Variants in MYG1 observed in about 807,000 individuals in gnomAD.
MYG1 encodes the protein MYG1 exonuclease.
In MYG1, 36 loss-of-function variants were observed where a neutral mutation model predicts 43.5. The ratio of observed to expected loss-of-function variants is 0.83; its 90% CI spans 0.63 to 1.09. The LOEUF (loss-of-function observed/expected upper bound fraction) is 1.09. Ranked by LOEUF, MYG1 falls within the 50% of genes least tolerant of loss-of-function variation. MYG1 has a pLI of 0.00. For synonymous variants in MYG1, 220 were observed against 202.8 expected (o/e 1.08, Z -0.72); for missense variants, 529 against 495.1 (o/e 1.07, Z -0.65).
In MYG1 at chr12:53,303,150, G is replaced by C. The variant is rs1944244057; in HGVS notation, c.446G>C (p.Gly149Ala). Reference sequence around the variant, plus strand: ...CACAAGCTGCTGGCCCAGTTGCTGGGCACTAGTGAAGAGGACAGCATGGTG... The same window carrying C: ...CACAAGCTGCTGGCCCAGTTGCTGGCCACTAGTGAAGAGGACAGCATGGTG... ...FGHKLLAQLL[G>A]TSEEDSMVGT... The change falls in exon 3 of 7, where the codon GGC becomes GCC. Residue 149 changes from glycine to alanine, a missense_variant. Physicochemically the swap from Gly to Ala is moderately conservative, Grantham distance 60 (BLOSUM62 0). Coordinates refer to ENST00000267103, the MANE Select transcript of MYG1 (RefSeq NM_021640.4). 6.2e-7 allele frequency: 1 copy of C among 1,614,062 alleles called. No homozygotes were observed. The highest frequency in any genetic ancestry group is 1.7e-5 in the Admixed American group (1 of 59,998).
chr12:53,306,790 T>C lies in MYG1; in HGVS notation c.876T>C (p.Val292=), dbSNP rs768268469. 101 of 1,614,040 alleles carry C rather than the reference T, an allele frequency of 6.3e-5. No individual in the cohort carries two copies. The East Asian group carries it at 2.3e-3, about 36-fold the overall frequency. ...GLSPPVAIFF[V]IYTDQAGQWR... is the part of the protein sequence containing the mutation. ...CCCCTCCAGTGGCCATCTTCTTTGT[T>C]ATCTACACTGACCAGGCTGGACAGT... The change falls in exon 6 of 7, where the codon GTT becomes GTC. Residue 292 remains valine (V), a synonymous_variant. Transcript: ENST00000267103.
chr12:53,306,827 T>C lies in MYG1; in HGVS notation c.913T>C (p.Cys305Arg), dbSNP rs1944288544. ...TDQAGQWRIQCVPKEPHSFQS... is the reference protein window; with the variant it reads ...TDQAGQWRIQRVPKEPHSFQS... The stretch of plus-strand genomic sequence containing the variant: ...CCAGGCTGGACAGTGGCGAATACAG[T>C]GTGTGCCCAAGGAGCCCCACTCATT... The change falls in exon 6 of 7, where the codon TGT (cysteine) becomes CGT (arginine). Residue 305 changes from cysteine (C) to arginine (R), a missense_variant. By Grantham distance (180) the Cys-to-Arg change is radical. Transcript: ENST00000267103. The C allele has an allele frequency of 3.1e-6, 5 of 1,614,040 alleles. No individual in the cohort carries two copies. The highest frequency in any genetic ancestry group is 1.7e-5 in the Admixed American group (1 of 60,014).
At position 53,306,064 on chromosome 12, in the gene MYG1, A is replaced by T. The variant is rs200946706; in HGVS notation, c.642+4A>T. The T allele has an allele frequency of 6.0e-4, 972 of 1,612,082 alleles. No individual in the cohort carries two copies. Among genetic ancestry groups the T allele is most frequent in the Middle Eastern group, 3.1e-3 (19 of 6,040 alleles). ...CCACCCCGACCAAGACACTGAGGTA[A>T]GGTGGCCTGGGAGGAGACCCGGAGA... On this transcript the variant is annotated splice_donor_region_variant and intron_variant, in intron 4 of 6. Coordinates refer to ENST00000267103, the MANE Select transcript of MYG1 (RefSeq NM_021640.4).
At position 53,300,243 on chromosome 12, in the gene MYG1, C is replaced by G; in HGVS notation, c.310C>G (p.Arg104Gly). The part of the protein sequence containing the change: ...VGGEYDPRRH[R>G]YDHHQRSFTE... Reference sequence around the variant, plus strand: ...GGGCGAGTACGACCCTCGGAGACACCGATATGACCATCACCAGAGGTAGGT... The same window carrying G: ...GGGCGAGTACGACCCTCGGAGACACGGATATGACCATCACCAGAGGTAGGT... Residue 104 changes from arginine (R) to glycine (G), a missense_variant, in exon 2 of 7, where the codon CGA (arginine) becomes GGA (glycine). Arg to Gly is a moderately radical substitution (Grantham distance 125). Transcript: ENST00000267103. 1 of 1,585,782 alleles carries G rather than the reference C, an allele frequency of 6.3e-7. No homozygotes were observed. The highest frequency in any genetic ancestry group is 1.1e-5 in the South Asian group (1 of 88,194).
chr12:53,301,834 G>A lies in MYG1; in HGVS notation c.330-1200G>A, dbSNP rs778039129. Reference sequence around the variant, plus strand: ...CTCCCAAGTAGCTGAGACTACAGGCGCCCAGCTAATTTTTGTATTTTTAGG... The same window carrying A: ...CTCCCAAGTAGCTGAGACTACAGGCACCCAGCTAATTTTTGTATTTTTAGG... On this transcript the variant is annotated intron_variant, in intron 2 of 6. Coordinates refer to ENST00000267103, the MANE Select transcript of MYG1 (RefSeq NM_021640.4). 2.4e-4 allele frequency among the ~76,000 whole-genome samples: 36 copies of A among 152,022 alleles called. No individual in the cohort carries two copies. In the Middle Eastern group the frequency reaches 0.01, roughly 43 times the overall value.
intron 3 of MYG1, chr12:53,303,490 C>T (rs1944246347): frequency 1.0e-5 from 3 of 300,894 alleles, no homozygotes; most frequent in Non-Finnish European, 1.9e-5. Context: ...AGCAATTGCT[C>T]AGCACCTTTG....
At chr12:53,305,026 G>T (rs1413537698) in intron 3 of MYG1, among the ~76,000 whole-genome samples, 1 of 151,558 alleles carries the variant, frequency 6.6e-6, no homozygotes, top group African/African-American at 2.4e-5. Flanking sequence ...CCGCCACTAC[G>T]CCCGGCTAAT....
At chr12:53,301,158 C>T (rs1450165374) in intron 2 of MYG1, among the ~76,000 whole-genome samples, 1 of 152,094 alleles carries the variant, frequency 6.6e-6, no homozygotes, top group Non-Finnish European at 1.5e-5. Flanking sequence ...GCCTTGTGAT[C>T]TGCCCCGCCT....
chr12:53,306,550 C>A lies in MYG1; in HGVS notation c.766-130C>A, dbSNP rs1228254348. ...GTAGAGACAGGGTCTTACTTTGTTG[C>A]CTAGGCTAGTCTCAAATTCCTGGGC... On this transcript the variant is annotated intron_variant, in intron 5 of 6. Coordinates refer to ENST00000267103, the MANE Select transcript of MYG1 (RefSeq NM_021640.4). 3 of 1,137,360 alleles carry A rather than the reference C, an allele frequency of 2.6e-6. No individual in the cohort carries two copies. The African/African-American group carries it at 4.7e-5, about 18-fold the overall frequency. 70.5% of individuals were successfully genotyped at this position (1,137,360 alleles called of 1,614,324 possible). A position where few individuals can be genotyped will look rare whatever the true frequency, so the allele number is the denominator to read the frequency against.
At position 53,303,034 on chromosome 12, in the gene MYG1, G is replaced by A; in HGVS notation, c.330G>A (p.Arg110=). The A allele has an allele frequency of 6.2e-7, 1 of 1,609,050 alleles. No homozygotes were observed. Among genetic ancestry groups the A allele is most frequent in the Non-Finnish European group, 8.5e-7 (1 of 1,176,684 alleles). The part of the protein sequence containing the change: ...PRRHRYDHHQ[R]SFTETMSSLS... ...AGCCCCACCTCCCTATGCTCCTCAG[G>A]TCTTTCACAGAGACCATGAGCTCCC... Residue 110 remains arginine, a splice_region_variant and synonymous_variant, in exon 3 of 7, where the codon AGG becomes AGA. Coordinates refer to ENST00000267103, the MANE Select transcript of MYG1 (RefSeq NM_021640.4).
chr12:53,303,348 A>C, intron 3 of MYG1, 155 bp downstream of exon 3: 100 of 782,318 alleles, frequency 1.3e-4, no homozygotes, highest in Non-Finnish European at 1.8e-4. Context: ...GGCTCATCTC[A>C]CAAGGGAATG....
chr12:53,300,636 C>A (rs111635869), intron 2 of MYG1, among the ~76,000 whole-genome samples: 1,847 of 152,342 alleles, frequency 0.012, 26 homozygotes, highest in South Asian at 0.05. Context: ...GGTGACAGTT[C>A]AGATGTGTGA....
At chr12:53,300,004 G>C in intron 1 of MYG1, 51 bp downstream of exon 1, 1 of 1,601,930 alleles carries the variant, frequency 6.2e-7, no homozygotes, top group Middle Eastern at 1.7e-4. Context: ...ATGCCTCCGG[G>C]GTGGATGGCA....
intron 4 of MYG1, 22 bp downstream of exon 4, chr12:53,306,082 C>A (rs376890469): frequency 2.5e-6 from 4 of 1,610,294 alleles, no homozygotes; most frequent in Admixed American, 1.7e-5. Flanking sequence ...TGGGAGGAGA[C>A]CCGGAGACCT....
rs182859823 is a variant in MYG1, at chr12:53,306,817, G to C, written c.903G>C (p.Trp301Cys). Residue 301 changes from tryptophan (W) to cysteine (C), a missense_variant, in exon 6 of 7, where the codon TGG (tryptophan) becomes TGC (cysteine). Coordinates refer to ENST00000267103, the MANE Select transcript of MYG1 (RefSeq NM_021640.4). ...TCTACACTGACCAGGCTGGACAGTG[G>C]CGAATACAGTGTGTGCCCAAGGAGC... ...FVIYTDQAGQ[W>C]RIQCVPKEPH... 9 of 1,614,152 alleles carry C rather than the reference G, an allele frequency of 5.6e-6. No homozygotes were observed. In the East Asian group the frequency reaches 1.8e-4, roughly 32 times the overall value.
In MYG1 at chr12:53,306,847, C is replaced by T; in HGVS notation, c.933C>T (p.His311=). ...TACAGTGTGTGCCCAAGGAGCCCCACTCATTCCAAAGCCGGTGAGGCCCTA... is the reference window on the plus strand; with the variant it reads ...TACAGTGTGTGCCCAAGGAGCCCCATTCATTCCAAAGCCGGTGAGGCCCTA... ...WRIQCVPKEP[H]SFQSRLPLPE... The change falls in exon 6 of 7, where the codon CAC becomes CAT. Residue 311 remains histidine (H), a synonymous_variant. Transcript: ENST00000267103. 6.2e-7 allele frequency: 1 copy of T among 1,613,422 alleles called. No homozygotes were observed. Among genetic ancestry groups the T allele is most frequent in the Non-Finnish European group, 8.5e-7 (1 of 1,179,600 alleles).
At chr12:53,306,367 C>T (rs1282088058) in intron 5 of MYG1, 47 bp downstream of exon 5, 1 of 1,607,214 alleles carries the variant, frequency 6.2e-7, no homozygotes, top group South Asian at 1.1e-5. Flanking sequence ...TACTGACTGC[C>T]AATCAACAGG....
At position 53,301,139 on chromosome 12, in the gene MYG1, G is replaced by A. The variant is rs368751244; in HGVS notation, c.329+877G>A. Among the ~76,000 whole-genome samples, 13 of 152,070 alleles carry A rather than the reference G, an allele frequency of 8.5e-5. No homozygotes were observed. In the East Asian group the frequency reaches 9.7e-4, roughly 11 times the overall value. On this transcript the variant is annotated intron_variant, in intron 2 of 6. Transcript: ENST00000267103. ...TCACCATATTGGCCAGAGTGGTCTC[G>A]AACTCCTGGCCTTGTGATCTGCCCC...
rs752688674 is a variant in MYG1, at chr12:53,307,075, C to T, written c.1057C>T (p.His353Tyr). 21 of 1,614,084 alleles carry T rather than the reference C, an allele frequency of 1.3e-5. No individual in the cohort carries two copies. The East Asian group carries it at 1.3e-4, about 10-fold the overall frequency. Residue 353 changes from histidine (H) to tyrosine (Y), a missense_variant, in exon 7 of 7, where the codon CAC (histidine) becomes TAC (tyrosine). His to Tyr is a moderately conservative substitution (Grantham distance 83). Coordinates refer to ENST00000267103, the MANE Select transcript of MYG1 (RefSeq NM_021640.4). ...VHASGFTGGH[H>Y]TREGALSMAR... ...TGCAAGCGGCTTCACTGGCGGTCAC[C>T]ACACCCGAGAGGGTGCCTTGAGCAT...
Sources: allele counts gnomAD v4.1 joint callset (sites outside exome capture counted in the v4.1 genomes callset), GRCh38; gene constraint gnomAD v4.1.1; transcripts MANE v1.5; gene names NCBI Gene and HGNC (gene_info 2026-07-23, HGNC 2026-07-21).